Variants in IPMK observed in about 807,000 individuals in gnomAD.
IPMK encodes the protein inositol polyphosphate multikinase.
IPMK carries 17 observed loss-of-function variants against 45.8 expected under a neutral mutation model. The observed-to-expected ratio is 0.37, with a 90% CI of 0.25 to 0.56. The LOEUF is 0.56. Among genes scored for constraint, IPMK ranks in the 20% least tolerant of loss-of-function variants. The pLI is 0.79. For missense variants in IPMK, 399 were observed against 498.0 expected (o/e 0.80, Z 1.89); for synonymous variants, 180 against 184.3 (o/e 0.98, Z 0.19).
At chr10:58,213,460 G>A (rs576790519) in intron 4 of IPMK, among the ~76,000 whole-genome samples, 3 of 152,294 alleles carry the variant, frequency 2.0e-5, no homozygotes, top group South Asian at 2.1e-4. Flanking sequence ...CAAGGCGGGC[G>A]GATCACAAGG....
At chr10:58,224,162 G>A (rs1034618865) in intron 3 of IPMK, among the ~76,000 whole-genome samples, 1 of 152,156 alleles carries the variant, frequency 6.6e-6, no homozygotes, top group Non-Finnish European at 1.5e-5. Context: ...CAACAGACAT[G>A]TATGTCAGCT....
At chr10:58,230,108 G>A (rs903678089) in intron 2 of IPMK, among the ~76,000 whole-genome samples, 3 of 152,186 alleles carry the variant, frequency 2.0e-5, no homozygotes, top group Non-Finnish European at 4.4e-5. Context: ...GCTGGGGGAG[G>A]GGAATCCACC....
intron 3 of IPMK, among the ~76,000 whole-genome samples, chr10:58,220,252 CAG>C (rs145533601): frequency 0.038 from 5,828 of 152,200 alleles, 177 homozygotes; most frequent in East Asian, 0.14. Context: ...AGTAAATATG[CAG>C]AGAGAGATCT....
At chr10:58,228,377 C>T (rs1838453656) in intron 2 of IPMK, among the ~76,000 whole-genome samples, 1 of 152,134 alleles carries the variant, frequency 6.6e-6, no homozygotes, top group Admixed American at 6.5e-5. Flanking sequence ...GAAAAAATTA[C>T]AAATATTCAT....
intron 1 of IPMK, among the ~76,000 whole-genome samples, chr10:58,261,135 A>C (rs913753659): frequency 6.7e-6 from 1 of 150,228 alleles, no homozygotes; most frequent in African/African-American, 2.5e-5. Context: ...GAGGAACTCT[A>C]TGAACTGATA....
chr10:58,252,482 T>C (rs1838896774), intron 1 of IPMK, among the ~76,000 whole-genome samples: 1 of 151,594 alleles, frequency 6.6e-6, no homozygotes, highest in Non-Finnish European at 1.5e-5. Flanking sequence ...CAGCGGTCCA[T>C]GTGCATGTTT....
At chr10:58,242,403 C>T (rs2440849) in intron 1 of IPMK, among the ~76,000 whole-genome samples, 50,276 of 147,740 alleles carry the variant, frequency 0.34, 10,660 homozygotes, top group African/African-American at 0.61. Flanking sequence ...GGGGTTGCAG[C>T]GAGTCGCGAT....
chr10:58,260,059 G>A (rs1445854115), intron 1 of IPMK, among the ~76,000 whole-genome samples: 1 of 152,072 alleles, frequency 6.6e-6, no homozygotes, highest in East Asian at 1.9e-4. Context: ...CACTTAACCA[G>A]GTGATCAAAG....
At chr10:58,224,180 G>C (rs916949002) in intron 3 of IPMK, among the ~76,000 whole-genome samples, 2 of 152,158 alleles carry the variant, frequency 1.3e-5, no homozygotes, top group Non-Finnish European at 2.9e-5. Flanking sequence ...GCTTGTTTCA[G>C]TTCATGCCTC....
chr10:58,201,277 A>T (rs1484720016), intron 4 of IPMK, among the ~76,000 whole-genome samples: 1 of 152,198 alleles, frequency 6.6e-6, no homozygotes, highest in Non-Finnish European at 1.5e-5. Flanking sequence ...TTATTTACAA[A>T]TTGAAGGTCT....
At chr10:58,213,708 A>T (rs551100815) in intron 4 of IPMK, among the ~76,000 whole-genome samples, 5,412 of 150,038 alleles carry the variant, frequency 0.036, 170 homozygotes, top group African/African-American at 0.083. Flanking sequence ...AAAAAAAAAA[A>T]GAAAAAATAG....
intron 5 of IPMK, among the ~76,000 whole-genome samples, chr10:58,196,955 A>G (rs1459281143): frequency 6.6e-6 from 1 of 152,314 alleles, no homozygotes; most frequent in South Asian, 2.1e-4. Context: ...ACAAAAGGAA[A>G]TTTATTACAG....
At chr10:58,260,064 T>C (rs1210205562) in intron 1 of IPMK, among the ~76,000 whole-genome samples, 1 of 152,146 alleles carries the variant, frequency 6.6e-6, no homozygotes, top group Non-Finnish European at 1.5e-5. Context: ...AACCAGGTGA[T>C]CAAAGTTACA....
chr10:58,198,287 T>C (rs1029632474), intron 5 of IPMK, among the ~76,000 whole-genome samples: 1 of 152,234 alleles, frequency 6.6e-6, no homozygotes, highest in African/African-American at 2.4e-5. Context: ...TTGAGACCTT[T>C]AAATGTTTTA....
intron 1 of IPMK, among the ~76,000 whole-genome samples, chr10:58,243,647 G>T (rs906845230): frequency 6.6e-6 from 1 of 152,244 alleles, no homozygotes; most frequent in African/African-American, 2.4e-5. Flanking sequence ...TGGGATTGCA[G>T]ACGGAGTCTC....
chr10:58,259,678 A>AAAAAAACAAAAAAAC lies in IPMK; in HGVS notation c.190+7743_190+7744insGTTTTTTTGTTTTTT, dbSNP rs1554825703. Among the ~76,000 whole-genome samples, 23 of 144,594 alleles carry AAAAAAACAAAAAAAC rather than the reference A, an allele frequency of 1.6e-4. 1 individual carries two copies. The South Asian group carries it at 2.5e-3, about 15-fold the overall frequency. 94.9% of individuals were successfully genotyped at this position (144,594 alleles called of 152,430 possible). A position where few individuals can be genotyped will look rare whatever the true frequency, so the allele number is the denominator to read the frequency against. ...TAAAATCCCATCTCTACATAAAAAAAAAAAAAAAACAATTAGCCAGGCATG... is the reference window on the plus strand; with the variant it reads ...TAAAATCCCATCTCTACATAAAAAAAAAAAAACAAAAAAACAAAAAAAAACAATTAGCCAGGCATG... On this transcript the variant is annotated intron_variant, in intron 1 of 5. Transcript: ENST00000373935.
chr10:58,248,575 T>C (rs1838837070), intron 1 of IPMK, among the ~76,000 whole-genome samples: 2 of 152,222 alleles, frequency 1.3e-5, no homozygotes, highest in South Asian at 4.1e-4. Context: ...TATTCTCTTC[T>C]AGCTATTTTG....
intron 1 of IPMK, among the ~76,000 whole-genome samples, chr10:58,257,087 G>A (rs550736739): frequency 1.5e-4 from 23 of 152,184 alleles, no homozygotes; most frequent in African/African-American, 4.6e-4. Flanking sequence ...TAAAACAAAC[G>A]AAAACAACAT....
chr10:58,242,459 C>CAAAAAA (rs1377487096), intron 1 of IPMK, among the ~76,000 whole-genome samples: 2 of 45,070 alleles, frequency 4.4e-5, no homozygotes, highest in African/African-American at 1.2e-4. Flanking sequence ...GACTCCGTCT[C>CAAAAAA]AAAAAAAAAA....
Sources: allele counts gnomAD v4.1 joint callset (sites outside exome capture counted in the v4.1 genomes callset), GRCh38; gene constraint gnomAD v4.1.1; transcripts MANE v1.5; gene names NCBI Gene and HGNC (gene_info 2026-07-23, HGNC 2026-07-21).